PCYT1B: variants seen among roughly 807,000 people sequenced by gnomAD.
PCYT1B encodes the protein choline-phosphate cytidylyltransferase B.
PCYT1B carries 10 observed loss-of-function variants against 26.4 expected under a neutral mutation model. The ratio of observed to expected loss-of-function variants is 0.38; its 90% confidence interval spans 0.23 to 0.64. PCYT1B has a LOEUF of 0.64. PCYT1B is among the 30% of genes least tolerant of loss of function. PCYT1B has a pLI of 0.56. For missense variants in PCYT1B, 161 were observed against 292.7 expected (o/e 0.55, Z 3.28); for synonymous variants, 131 against 108.4 (o/e 1.21, Z -1.29).
chrX:24,634,906 C>T (rs966602750), intron 1 of PCYT1B, among the ~76,000 whole-genome samples: 7 of 112,154 alleles, frequency 6.2e-5, no homozygotes, highest in Non-Finnish European at 1.3e-4. Context: ...GTACCAACCA[C>T]GACAACCCAA....
At chrX:24,622,956 C>T (rs1925744522) in intron 1 of PCYT1B, among the ~76,000 whole-genome samples, 2 of 112,151 alleles carry the variant, frequency 1.8e-5, no homozygotes, top group Admixed American at 1.9e-4. Context: ...GGTCAAATGA[C>T]TTGCTTGTAG....
Position 24,647,007 on chromosome X carries a change from T to C in PCYT1B, c.99A>G (p.Thr33=). 1 of 1,208,492 alleles carries C rather than the reference T, an allele frequency of 8.3e-7. No homozygotes were observed. The highest frequency in any genetic ancestry group is 1.1e-6 in the Non-Finnish European group (1 of 892,411). Residue 33 remains threonine (T), a synonymous_variant, in exon 1 of 8, where the codon ACA becomes ACG. Transcript: ENST00000379144. ...PSETMEEIEH[T]CPQPRLTLTA... The stretch of plus-strand genomic sequence containing the variant: ...TACTTACCAGTCGAGGCTGTGGGCA[T>C]GTGTGCTCTATTTCCTCCATGGTTT...
Position 24,642,087 on chromosome X carries a change from A to G in PCYT1B, c.117+4902T>C, listed in dbSNP as rs189235448. On this transcript the variant is annotated intron_variant, in intron 1 of 7. Transcript: ENST00000379144. ...AGAAAGTCTAATATGTTAAAGTCAA[A>G]CTTACAAAAAAGCTCTCTTAAGGGA... Among the ~76,000 whole-genome samples, 8 of 113,285 alleles carry G rather than the reference A, an allele frequency of 7.1e-5. No homozygotes were observed. The East Asian group carries it at 2.2e-3, about 31-fold the overall frequency.
intron 1 of PCYT1B, among the ~76,000 whole-genome samples, chrX:24,636,313 T>C (rs1926267695): frequency 8.9e-6 from 1 of 112,647 alleles, no homozygotes; most frequent in South Asian, 3.6e-4. Flanking sequence ...AATAGACTTA[T>C]AGAGAAGTAC....
intron 5 of PCYT1B, among the ~76,000 whole-genome samples, chrX:24,586,298 C>G (rs773320795): frequency 2.7e-5 from 3 of 112,754 alleles, no homozygotes; most frequent in Admixed American, 9.4e-5. Flanking sequence ...AGTTCTCCAT[C>G]ATGGGGAATG....
At chrX:24,606,825 C>A in intron 3 of PCYT1B, among the ~76,000 whole-genome samples, 1 of 111,071 alleles carries the variant, frequency 9.0e-6, no homozygotes, top group South Asian at 3.8e-4. Context: ...CAAGATTGCA[C>A]CACTGCACTC....
chrX:24,652,012 C>T (rs190853606), upstream of PCYT1B, among the ~76,000 whole-genome samples: 4 of 111,145 alleles, frequency 3.6e-5, no homozygotes, highest in East Asian at 1.1e-3. Context: ...AAAGTCCTAT[C>T]TCCAGTTAGC....
chrX:24,637,305 GT>G (rs1282392475), intron 1 of PCYT1B, among the ~76,000 whole-genome samples: 23 of 105,317 alleles, frequency 2.2e-4, no homozygotes, highest in Non-Finnish European at 3.3e-4. Flanking sequence ...GGCTTTAGAA[GT>G]CAGACAAACC....
intron 7 of PCYT1B, among the ~76,000 whole-genome samples, chrX:24,574,723 C>T (rs1923963353): frequency 8.9e-6 from 1 of 111,953 alleles, no homozygotes; most frequent in African/African-American, 3.2e-5. Flanking sequence ...AGTAGTTGAT[C>T]CAAGATCCCA....
intron 2 of PCYT1B, among the ~76,000 whole-genome samples, chrX:24,617,552 A>G (rs1412800044): frequency 9.4e-6 from 1 of 105,955 alleles, no homozygotes; most frequent in African/African-American, 3.4e-5. Flanking sequence ...GATTCAAATG[A>G]TTCTCTCACC....
intron 1 of PCYT1B, among the ~76,000 whole-genome samples, chrX:24,635,730 G>T (rs776977386): frequency 1.4e-4 from 16 of 111,732 alleles, no homozygotes; most frequent in African/African-American, 5.2e-4. Flanking sequence ...GTCACTCAGG[G>T]TTCCATCCTG....
chrX:24,665,058 A>G (rs368625830), intron 1 of PCYT1B, among the ~76,000 whole-genome samples: 21 of 111,921 alleles, frequency 1.9e-4, no homozygotes, highest in African/African-American at 6.8e-4. Flanking sequence ...TTCCATATTC[A>G]AAGTGTTTTG....
chrX:24,591,905 A>T (rs1176709173), intron 3 of PCYT1B, among the ~76,000 whole-genome samples: 2 of 111,872 alleles, frequency 1.8e-5, no homozygotes, highest in African/African-American at 6.5e-5. Flanking sequence ...TCTTTGTGGT[A>T]AGAACATTCA....
chrX:24,633,154 G>A (rs1926154852), intron 1 of PCYT1B, among the ~76,000 whole-genome samples: 1 of 93,332 alleles, frequency 1.1e-5, no homozygotes, highest in Non-Finnish European at 2.1e-5. Flanking sequence ...AGTTTGCACT[G>A]AGCCAAGATC....
intron 1 of PCYT1B, among the ~76,000 whole-genome samples, chrX:24,620,206 C>G (rs1467724251): frequency 8.9e-6 from 1 of 112,331 alleles, no homozygotes; most frequent in Non-Finnish European, 1.9e-5. Flanking sequence ...TATCCATTCA[C>G]TCACTCATTC....
At chrX:24,628,219 G>A (rs1386452521) in intron 1 of PCYT1B, among the ~76,000 whole-genome samples, 3 of 111,396 alleles carry the variant, frequency 2.7e-5, no homozygotes, top group African/African-American at 9.8e-5. Context: ...CATCAGATGA[G>A]GAAACATTGT....
At chrX:24,593,101 G>A (rs1264787401) in intron 3 of PCYT1B, among the ~76,000 whole-genome samples, 1 of 111,176 alleles carries the variant, frequency 9.0e-6, no homozygotes, top group Non-Finnish European at 1.9e-5. Flanking sequence ...CATGACACTT[G>A]TCTCATGTAG....
At chrX:24,627,023 C>T (rs1925905497) in intron 1 of PCYT1B, among the ~76,000 whole-genome samples, 1 of 111,918 alleles carries the variant, frequency 8.9e-6, no homozygotes. Context: ...TTGGGGGTAT[C>T]ACTGTAAATA....
rs932364493 is a variant in PCYT1B, at chrX:24,561,937, G to A, written c.*356C>T. The A allele has an allele frequency of 3.8e-5, 20 of 522,536 alleles. No homozygotes were observed. The highest frequency in any genetic ancestry group is 8.4e-4 in the Middle Eastern group (2 of 2,387). The allele number at this position is 522,536 out of a possible 1,213,427, so 43.1% of individuals were successfully genotyped here. A position where few individuals can be genotyped will look rare whatever the true frequency, so the allele number is the denominator to read the frequency against. On this transcript the variant is annotated 3_prime_UTR_variant, in exon 8 of 8. Transcript: ENST00000379144. Reference sequence around the variant, plus strand: ...GAAGTAGCAGGTTGAGGGAACAGCCGCTGCCACAGGTGGTTTACTTGGTGG... The same window carrying A: ...GAAGTAGCAGGTTGAGGGAACAGCCACTGCCACAGGTGGTTTACTTGGTGG...
Sources: allele counts gnomAD v4.1 joint callset (sites outside exome capture counted in the v4.1 genomes callset), GRCh38; gene constraint gnomAD v4.1.1; transcripts MANE v1.5; gene names NCBI Gene and HGNC (gene_info 2026-07-23, HGNC 2026-07-21).